The following AQR variants were observed in gnomAD, a reference collection of about 807,000 sequenced individuals.
AQR encodes aquarius intron-binding spliceosomal factor, also known as RNA helicase aquarius.
Under a neutral mutation model 180.5 loss-of-function variants are expected in AQR, and 61 were observed. The observed-to-expected ratio is 0.34, with a 90% confidence interval of 0.28 to 0.42. The LOEUF is 0.42. Among genes scored for constraint, AQR ranks in the 10% least tolerant of loss-of-function variants. The probability of loss-of-function intolerance (pLI) is 1.00; values close to 1 mark genes in which losing one functional copy is unlikely to be tolerated. For missense variants in AQR, 1,281 were observed against 1,798.3 expected (o/e 0.71, Z 5.20); for synonymous variants, 551 against 588.8 (o/e 0.94, Z 0.93).
At position 34,855,148 on chromosome 15, in the gene AQR, C is replaced by T. The variant is rs1404368493; in HGVS notation, c.*1644G>A. The T allele has an allele frequency of 6.6e-6, 1 of 152,256 alleles. No individual in the cohort carries two copies. Among genetic ancestry groups the T allele is most frequent in the Non-Finnish European group, 1.5e-5 (1 of 68,066 alleles). 9.4% of individuals were successfully genotyped at this position (152,256 alleles called of 1,614,324 possible). A position where few individuals can be genotyped will look rare whatever the true frequency, so the allele number is the denominator to read the frequency against. The stretch of plus-strand genomic sequence containing the variant: ...TCATCACTTTCATTTCCCCTCATCA[C>T]CTGACATTGACACAAATGTCCTGAT... On this transcript the variant is annotated 3_prime_UTR_variant, in exon 35 of 35. Transcript: ENST00000156471.
intron 3 of AQR, among the ~76,000 whole-genome samples, chr15:34,958,000 A>T (rs1894349964): frequency 6.6e-6 from 1 of 151,514 alleles, no homozygotes; most frequent in South Asian, 2.1e-4. Context: ...CAAGGTCGGG[A>T]GATCGAGACC....
chr15:34,919,918 C>CAA (rs200837935), intron 14 of AQR, among the ~76,000 whole-genome samples: 3 of 151,304 alleles, frequency 2.0e-5, no homozygotes, highest in African/African-American at 7.3e-5. Flanking sequence ...AACAAACAAA[C>CAA]AAACAAAAAA....
At chr15:34,959,259 C>G (rs1403186946) in intron 3 of AQR, among the ~76,000 whole-genome samples, 1 of 152,134 alleles carries the variant, frequency 6.6e-6, no homozygotes, top group Admixed American at 6.6e-5. Context: ...ACCTCCTGGG[C>G]TCAGGTGATC....
intron 33 of AQR, 31 bp from the exon 34 acceptor site, chr15:34,860,186 C>T: frequency 8.3e-7 from 1 of 1,208,254 alleles, no homozygotes; most frequent in South Asian, 1.6e-5. Flanking sequence ...CGTTAAGTAT[C>T]TAGTAAAACA....
intron 29 of AQR, chr15:34,874,347 T>C (rs1238951224): frequency 5.9e-6 from 2 of 339,502 alleles, no homozygotes; most frequent in Admixed American, 4.6e-5. Flanking sequence ...AATTGGTGTG[T>C]TCTCCTCTTG....
chr15:34,879,911 T>C (rs1892945954), intron 27 of AQR, among the ~76,000 whole-genome samples: 1 of 152,112 alleles, frequency 6.6e-6, no homozygotes, highest in Non-Finnish European at 1.5e-5. Flanking sequence ...TGTGGAGAAG[T>C]CTGGCTCTCT....
chr15:34,882,421 A>G lies in AQR; in HGVS notation c.3165+81T>C, dbSNP rs1029780113. On this transcript the variant is annotated intron_variant, in intron 27 of 34. Coordinates refer to ENST00000156471, the MANE Select transcript of AQR (RefSeq NM_014691.3). ...ATAAAAGAAACATTTTAAGGTAATT[A>G]TAAATACGAACTTCATAAGAAGTGA... The G allele has an allele frequency of 6.8e-6, 9 of 1,320,398 alleles. No homozygotes were observed. In the African/African-American group the frequency reaches 1.4e-4, roughly 20 times the overall value. The allele number at this position is 1,320,398 out of a possible 1,614,324, so 81.8% of individuals were successfully genotyped here.
rs1448921827 is a variant in AQR, at chr15:34,886,640, A to T, written c.2703T>A (p.Val901=). Residue 901 remains valine (V), a synonymous_variant, in exon 25 of 35, where the codon GTT becomes GTA. Transcript: ENST00000156471. ...DFSRYGRVNY[V]LARRIELLEE... ...CTAAAAGTTCTATTCTTCGAGCCAG[A>T]ACATAATTAACTCTTCCATACCTAG... The T allele has an allele frequency of 6.2e-7, 1 of 1,613,372 alleles. No individual in the cohort carries two copies. Among genetic ancestry groups the T allele is most frequent in the Admixed American group, 1.7e-5 (1 of 59,858 alleles).
intron 33 of AQR, among the ~76,000 whole-genome samples, chr15:34,861,790 T>G (rs575005248): frequency 2.0e-5 from 3 of 152,282 alleles, no homozygotes; most frequent in Admixed American, 1.3e-4. Flanking sequence ...ACAGCAGCAT[T>G]TCTTCAAAAA....
At chr15:34,912,521 T>C (rs1435464849) in intron 16 of AQR, among the ~76,000 whole-genome samples, 2 of 152,014 alleles carry the variant, frequency 1.3e-5, no homozygotes, top group African/African-American at 2.4e-5. Flanking sequence ...CTGTTTCAAA[T>C]ACATTTTAGG....
rs1291534714 is a variant in AQR at position 34,959,365 on chromosome 15, T to C, written c.173+1409A>G. Among the ~76,000 whole-genome samples the C allele has an allele frequency of 2.0e-5, 3 of 152,254 alleles. No homozygotes were observed. The East Asian group carries it at 5.8e-4, about 29-fold the overall frequency. Reference sequence around the variant, plus strand: ...TTTTTCTGGACACAGGGTTTTGCCATGTTGCTCAGGCTGGTCCTGAACTAC... The same window carrying C: ...TTTTTCTGGACACAGGGTTTTGCCACGTTGCTCAGGCTGGTCCTGAACTAC... On this transcript the variant is annotated intron_variant, in intron 3 of 34. Coordinates refer to ENST00000156471, the MANE Select transcript of AQR (RefSeq NM_014691.3).
In AQR at chr15:34,911,169, C is replaced by T. The variant is rs550863684; in HGVS notation, c.1485-856G>A. ...TGTTTTTATATATGTACACACACAC[C>T]ACATTTTCACATTTTCTTTATCCAT... On this transcript the variant is annotated intron_variant, in intron 16 of 34. Coordinates refer to ENST00000156471, the MANE Select transcript of AQR (RefSeq NM_014691.3). 5.3e-5 allele frequency among the ~76,000 whole-genome samples: 8 copies of T among 152,222 alleles called. No homozygotes were observed. The South Asian group carries it at 6.2e-4, about 12-fold the overall frequency.
At position 34,855,481 on chromosome 15, in the gene AQR, A is replaced by G. The variant is rs1009858979; in HGVS notation, c.*1311T>C. On this transcript the variant is annotated 3_prime_UTR_variant, in exon 35 of 35. Coordinates refer to ENST00000156471, the MANE Select transcript of AQR (RefSeq NM_014691.3). ...CTAGCAGATGATCAAAATGGGAAATAGAGAACTAGTGGGCAATTTTCCCCT... is the reference window on the plus strand; with the variant it reads ...CTAGCAGATGATCAAAATGGGAAATGGAGAACTAGTGGGCAATTTTCCCCT... 3 of 151,966 alleles carry G rather than the reference A, an allele frequency of 2.0e-5. No homozygotes were observed. The highest frequency in any genetic ancestry group is 4.4e-5 in the Non-Finnish European group (3 of 68,006). The allele number at this position is 151,966 out of a possible 1,614,324, so 9.4% of individuals were successfully genotyped here.
At chr15:34,964,745 C>T (rs2050300633) in intron 1 of AQR, among the ~76,000 whole-genome samples, 1 of 128,062 alleles carries the variant, frequency 7.8e-6, no homozygotes, top group Non-Finnish European at 1.7e-5. Flanking sequence ...TTAGTTCACA[C>T]CCATAACAAA....
chr15:34,882,537 A>G lies in AQR; in HGVS notation c.3130T>C (p.Leu1044=), dbSNP rs115732938. ...IIAMTCTHAA[L]KRHDLVKLGF... ...AGCTTGACCAAGTCATGTCGTTTTA[A>G]GGCAGCATGAGTACAGGTCATAGCA... is the stretch of plus-strand genomic sequence containing the variant. Residue 1044 remains leucine (L), a synonymous_variant, in exon 27 of 35, where the codon TTA becomes CTA. Transcript: ENST00000156471. 3,804 of 1,601,182 alleles carry G rather than the reference A, an allele frequency of 2.4e-3. 80 individuals carry two copies. In the African/African-American group the frequency reaches 0.046, roughly 19 times the overall value.
intron 27 of AQR, among the ~76,000 whole-genome samples, chr15:34,880,772 G>A (rs1270846180): frequency 1.3e-5 from 2 of 152,168 alleles, no homozygotes; most frequent in African/African-American, 4.8e-5. Context: ...GGTGAGCACA[G>A]AATCAAAAGA....
intron 1 of AQR, among the ~76,000 whole-genome samples, chr15:34,968,210 G>A (rs1435957966): frequency 6.6e-6 from 1 of 151,706 alleles, no homozygotes; most frequent in Non-Finnish European, 1.5e-5. Flanking sequence ...CCAACATAGT[G>A]AGACCCTATC....
intron 11 of AQR, among the ~76,000 whole-genome samples, chr15:34,931,624 T>C (rs897245474): frequency 9.2e-5 from 14 of 152,120 alleles, no homozygotes; most frequent in African/African-American, 3.1e-4. Flanking sequence ...CTGGGCAACA[T>C]GGTGAGACCC....
chr15:34,929,167 T>C (rs1416656218), intron 12 of AQR, among the ~76,000 whole-genome samples: 1 of 152,242 alleles, frequency 6.6e-6, no homozygotes, highest in African/African-American at 2.4e-5. Context: ...GATAGTTTCT[T>C]CTGCTGTGCA....
Sources: allele counts gnomAD v4.1 joint callset (sites outside exome capture counted in the v4.1 genomes callset), GRCh38; gene constraint gnomAD v4.1.1; transcripts MANE v1.5; gene names NCBI Gene and HGNC (gene_info 2026-07-23, HGNC 2026-07-21).